Variants in NICOL1 observed in about 807,000 individuals in gnomAD.
NICOL1 encodes NELL2 interacting cell ontogeny regulator 1, also known as NELL2-interacting cell ontogeny regulator 1.
At chr4:2,042,118 C>T in the NICOL1 span, 2 of 1,479,566 alleles carry the variant, frequency 1.4e-6, no homozygotes, top group Non-Finnish European at 1.8e-6. Context: ...AGATACGGGG[C>T]GCGGACTAGA....
At chr4:2,042,720 C>G in the NICOL1 span, 1 of 1,497,016 alleles carries the variant, frequency 6.7e-7, no homozygotes, top group South Asian at 1.2e-5. Flanking sequence ...TCCACCCTGA[C>G]CCGCGCCCCC....
At chr4:2,038,282 TATAA>T in the NICOL1 span, among the ~76,000 whole-genome samples, 23 of 117,166 alleles carry the variant, frequency 2.0e-4, no homozygotes, top group South Asian at 5.1e-3. Context: ...TATATATATA[TATAA>T]AATTAAAATT....
chr4:2,041,158 GA>G, the NICOL1 span, among the ~76,000 whole-genome samples: 2,320 of 142,052 alleles, frequency 0.016, 216 homozygotes, highest in African/African-American at 0.056. Context: ...GGTGGGGGGG[GA>G]GCGGGGGCGC....
chr4:2,039,084 C>T, the NICOL1 span, among the ~76,000 whole-genome samples: 1 of 152,030 alleles, frequency 6.6e-6, no homozygotes, highest in Non-Finnish European at 1.5e-5. Flanking sequence ...TGTGCTTGTC[C>T]TCTTGTTGGA....
chr4:2,042,045 T>A, the NICOL1 span: 1 of 1,476,126 alleles, frequency 6.8e-7, no homozygotes, highest in Non-Finnish European at 8.9e-7. Context: ...CCCGCGCTGC[T>A]GGTCCCGGGG....
the NICOL1 span, among the ~76,000 whole-genome samples, chr4:2,039,537 C>G: frequency 6.6e-6 from 1 of 152,098 alleles, no homozygotes. Context: ...ATTAAAATTA[C>G]TAAGAGTTAA....
At chr4:2,042,386 C>T in the NICOL1 span, 1 of 505,778 alleles carries the variant, frequency 2.0e-6, no homozygotes, top group Non-Finnish European at 3.5e-6. Flanking sequence ...TCCCCGATGT[C>T]ACCGCCGCCG....
the NICOL1 span, chr4:2,043,935 C>CT: frequency 6.5e-7 from 1 of 1,542,554 alleles, no homozygotes; most frequent in Non-Finnish European, 8.8e-7. Flanking sequence ...GAGGACCACG[C>CT]TGCTCCGTGT....
chr4:2,040,360 G>T, the NICOL1 span, among the ~76,000 whole-genome samples: 3 of 152,240 alleles, frequency 2.0e-5, no homozygotes, highest in Admixed American at 1.3e-4. Context: ...ACCGGCCTTG[G>T]CCTCCCAAAG....
chr4:2,043,851 T>G, the NICOL1 span: 1 of 1,548,978 alleles, frequency 6.5e-7, no homozygotes, highest in Non-Finnish European at 8.7e-7. Context: ...CCCCTCTTGT[T>G]GCTTTGCAGA....
the NICOL1 span, chr4:2,042,020 A>C: frequency 1.2e-5 from 18 of 1,471,098 alleles, no homozygotes; most frequent in Non-Finnish European, 1.6e-5. Context: ...CGGACGCGGA[A>C]CGTCTGCCGG....
At chr4:2,042,384 G>A in the NICOL1 span, 1 of 516,966 alleles carries the variant, frequency 1.9e-6, no homozygotes, top group Non-Finnish European at 3.4e-6. Context: ...GGTCCCCGAT[G>A]TCACCGCCGC....
the NICOL1 span, chr4:2,041,876 C>T: frequency 1.8e-5 from 20 of 1,125,860 alleles, no homozygotes; most frequent in Non-Finnish European, 2.2e-5. Context: ...CCGGCCAGGG[C>T]CAGGCACACC....
the NICOL1 span, chr4:2,042,702 G>A: frequency 1.5e-6 from 2 of 1,314,202 alleles, no homozygotes; most frequent in South Asian, 1.4e-5. Context: ...GACCCCCCCT[G>A]CGCCCCCTCC....
At chr4:2,039,413 CA>C in the NICOL1 span, among the ~76,000 whole-genome samples, 2 of 143,826 alleles carry the variant, frequency 1.4e-5, no homozygotes, top group East Asian at 4.0e-4. Flanking sequence ...GATTGCGTCT[CA>C]AAAAAAAACA....
the NICOL1 span, among the ~76,000 whole-genome samples, chr4:2,040,516 C>G: frequency 2.6e-5 from 4 of 152,336 alleles, no homozygotes; most frequent in Middle Eastern, 3.4e-3. Flanking sequence ...CACGTCCCCC[C>G]CAGGGCTCCG....
chr4:2,037,217 G>A, the NICOL1 span, among the ~76,000 whole-genome samples: 4 of 152,176 alleles, frequency 2.6e-5, 1 homozygote, highest in South Asian at 8.3e-4. Context: ...CCATGCTTAT[G>A]TATATCCTGC....
At chr4:2,041,918 C>A in the NICOL1 span, 1 of 1,401,390 alleles carries the variant, frequency 7.1e-7, no homozygotes, top group Non-Finnish European at 9.3e-7. Context: ...TTCCTCTAAA[C>A]CCGCGGCCAG....
chr4:2,037,345 C>T, the NICOL1 span, among the ~76,000 whole-genome samples: 6 of 152,306 alleles, frequency 3.9e-5, no homozygotes, highest in South Asian at 2.1e-4. Context: ...CAACCTGCCT[C>T]GGCCTCCCAA....
Sources: allele counts gnomAD v4.1 joint callset (sites outside exome capture counted in the v4.1 genomes callset), GRCh38; gene constraint gnomAD v4.1.1; transcripts MANE v1.5; gene names NCBI Gene and HGNC (gene_info 2026-07-23, HGNC 2026-07-21).